The following AKAP8L variants were observed in gnomAD, a reference collection of about 807,000 sequenced individuals.
AKAP8L encodes the protein A-kinase anchor protein 8-like.
AKAP8L carries 34 observed loss-of-function variants against 77.5 expected under a neutral mutation model. The ratio of observed to expected loss-of-function variants is 0.44; its 90% CI spans 0.33 to 0.58. AKAP8L has a LOEUF of 0.58. Among genes scored for constraint, AKAP8L ranks in the 20% least tolerant of loss-of-function variants. The pLI is 0.02. For synonymous variants in AKAP8L, 342 were observed against 340.7 expected, an observed-to-expected ratio of 1.00 and a Z score of -0.04; for missense variants, 806 against 887.6, an observed-to-expected ratio of 0.91 and a Z score of 1.17.
At chr19:15,395,983 CAAAAAA>C (rs751904092) in intron 12 of AKAP8L, among the ~76,000 whole-genome samples, 7 of 40,504 alleles carry the variant, frequency 1.7e-4, no homozygotes, top group South Asian at 1.3e-3. Context: ...GACTCCGTCT[CAAAAAA>C]AAAAAAAAAA....
chr19:15,395,755 C>T (rs1178576597), intron 12 of AKAP8L, among the ~76,000 whole-genome samples: 2 of 146,904 alleles, frequency 1.4e-5, no homozygotes, highest in South Asian at 2.1e-4. Context: ...GAGGCCGAGG[C>T]GGGCGGATCA....
At chr19:15,418,172 C>T (rs3786853) in intron 1 of AKAP8L, among the ~76,000 whole-genome samples, 37,967 of 152,250 alleles carry the variant, frequency 0.25, 5,601 homozygotes, top group East Asian at 0.37. Context: ...ACGGTACTGA[C>T]CACCCTAAAA....
chr19:15,407,680 G>A (rs996733334), intron 2 of AKAP8L, among the ~76,000 whole-genome samples: 5 of 152,292 alleles, frequency 3.3e-5, no homozygotes, highest in Admixed American at 1.3e-4. Context: ...AAAACTTGGC[G>A]TAAATCTAAC....
chr19:15,400,854 G>A lies in AKAP8L; in HGVS notation c.924C>T (p.Thr308=), dbSNP rs771702576. 43 of 1,613,770 alleles carry A rather than the reference G, an allele frequency of 2.7e-5. No homozygotes were observed. Among genetic ancestry groups the A allele is most frequent in the Admixed American group, 1.7e-4 (10 of 59,982 alleles). The change falls in exon 7 of 14, where the codon ACC becomes ACT. Residue 308 remains threonine, a synonymous_variant. Coordinates refer to ENST00000397410, the MANE Select transcript of AKAP8L (RefSeq NM_014371.4). The part of the protein sequence containing the change: ...DNSDSDNDEG[T]EGEATEGLEG... ...CAAGGCCCTCTGTGGCTTCCCCCTC[G>A]GTGCCCTCATCTGAAAGGGAAAAGG...
chr19:15,388,969 C>A (rs975428273), intron 12 of AKAP8L, among the ~76,000 whole-genome samples: 1 of 150,120 alleles, frequency 6.7e-6, no homozygotes, highest in Non-Finnish European at 1.5e-5. Context: ...AATCCCAGCA[C>A]TTAGGGAGGC....
In AKAP8L at chr19:15,401,287, T is replaced by C; in HGVS notation, c.679A>G (p.Ile227Val). The C allele has an allele frequency of 6.2e-7, 1 of 1,613,644 alleles. No individual in the cohort carries two copies. The highest frequency in any genetic ancestry group is 8.5e-7 in the Non-Finnish European group (1 of 1,179,862). ...CCCTGGAACATGCCGTACTCGGGGATGATGTTCTGGGAGAAGAGGGAGGGC... is the reference window on the plus strand; with the variant it reads ...CCCTGGAACATGCCGTACTCGGGGACGATGTTCTGGGAGAAGAGGGAGGGC... ...RLPSLFSQNIIPEYGMFQGMR... is the reference protein window; with the variant it reads ...RLPSLFSQNIVPEYGMFQGMR... Residue 227 changes from isoleucine (I) to valine (V), a missense_variant, in exon 5 of 14, where the codon ATC (isoleucine) becomes GTC (valine). Ile to Val is a conservative substitution (Grantham distance 29). This residue lies in a region of AKAP8L where 580 missense variants were observed against 694.1 expected (regional missense o/e 0.84). Transcript: ENST00000397410. This position sits in a 1 kb window ranked among gnomAD's most constrained non-coding sequence, Gnocchi z 6.2.
intron 12 of AKAP8L, among the ~76,000 whole-genome samples, chr19:15,387,558 T>C (rs982715211): frequency 4.6e-5 from 7 of 152,128 alleles, no homozygotes; most frequent in Admixed American, 6.5e-5. Flanking sequence ...GACAGTGATA[T>C]TAGCTAACCC....
At position 15,397,366 on chromosome 19, in the gene AKAP8L, C is replaced by T. The variant is rs1967797790; in HGVS notation, c.1406-86G>A. 24 of 1,538,858 alleles carry T rather than the reference C, an allele frequency of 1.6e-5. 1 individual carries two copies. The South Asian group carries it at 2.6e-4, about 16-fold the overall frequency. On this transcript the variant is annotated intron_variant, in intron 11 of 13. Coordinates refer to ENST00000397410, the MANE Select transcript of AKAP8L (RefSeq NM_014371.4). The surrounding 1 kb of genome is among the most constrained non-coding windows in gnomAD (Gnocchi z 4.7). ...CGAGAAAAAAACCACACCAGCTCCT[C>T]CTCAACTCGCCCTGCCACTTCCACC... is the stretch of plus-strand genomic sequence containing the variant.
intron 2 of AKAP8L, among the ~76,000 whole-genome samples, chr19:15,406,362 G>GGGGAGAGAGAGAGAGAGAGAGAGAGA: frequency 1.1e-5 from 1 of 89,364 alleles, no homozygotes; most frequent in African/African-American, 5.1e-5. Context: ...GAAATTTTAA[G>GGGGAGAGAGAGAGAGAGAGAGAGAGA]GAGAGAGAGA....
chr19:15,392,025 G>C (rs1016331011), intron 12 of AKAP8L, among the ~76,000 whole-genome samples: 10 of 152,152 alleles, frequency 6.6e-5, no homozygotes, highest in African/African-American at 1.9e-4. Flanking sequence ...ATACAGACAG[G>C]GTCTCACTAT....
In AKAP8L at chr19:15,399,487, AC is replaced by A; in HGVS notation, c.1049-78del. On this transcript the variant is annotated intron_variant, in intron 8 of 13. Transcript: ENST00000397410. The surrounding 1 kb of genome is among the most constrained non-coding windows in gnomAD (Gnocchi z 6.1). ...AGGCCCTGCGGCCTCTGGCTGAATC[AC>A]CCACTGTCCACTCCAGAGGGTCCAT... 9.4e-7 allele frequency: 1 copy of A among 1,060,812 alleles called. No homozygotes were observed. The highest frequency in any genetic ancestry group is 1.5e-6 in the Non-Finnish European group (1 of 682,674). The allele number at this position is 1,060,812 out of a possible 1,614,324, so 65.7% of individuals were successfully genotyped here.
chr19:15,405,612 G>C (rs2145139117), intron 2 of AKAP8L, among the ~76,000 whole-genome samples: 1 of 152,196 alleles, frequency 6.6e-6, no homozygotes, highest in Admixed American at 6.5e-5. Flanking sequence ...ACCAGGGACA[G>C]TGGGCACTAG....
intron 2 of AKAP8L, among the ~76,000 whole-genome samples, chr19:15,405,467 T>C (rs547033896): frequency 1.3e-5 from 2 of 151,480 alleles, no homozygotes; most frequent in Non-Finnish European, 2.9e-5. Flanking sequence ...GCGGCAGAGT[T>C]TGCAGTGAGG....
At chr19:15,389,390 G>C (rs1967612105) in intron 12 of AKAP8L, among the ~76,000 whole-genome samples, 1 of 152,098 alleles carries the variant, frequency 6.6e-6, no homozygotes, top group African/African-American at 2.4e-5. Context: ...ATTAGAAGAG[G>C]AAAGAGAGAA....
In AKAP8L at chr19:15,401,496, T is replaced by G. The variant is rs773836971; in HGVS notation, c.470A>C (p.Tyr157Ser). Reference protein sequence around the residue: ...SELDPEMEMAYEGQYDAYRDQ... With the variant: ...SELDPEMEMASEGQYDAYRDQ... ...GCGGTAGGCATCGTATTGGCCCTCATAGGCCATTTCCATCTCAGGGTCAAG... is the reference window on the plus strand; with the variant it reads ...GCGGTAGGCATCGTATTGGCCCTCAGAGGCCATTTCCATCTCAGGGTCAAG... Residue 157 changes from tyrosine to serine, a missense_variant, in exon 5 of 14, where the codon TAT becomes TCT. Tyr to Ser is a moderately radical substitution (Grantham distance 144). Coordinates refer to ENST00000397410, the MANE Select transcript of AKAP8L (RefSeq NM_014371.4). The surrounding 1 kb of genome is among the most constrained non-coding windows in gnomAD (Gnocchi z 6.2). The G allele has an allele frequency of 1.2e-6, 2 of 1,613,878 alleles. No homozygotes were observed. Among genetic ancestry groups the G allele is most frequent in the Admixed American group, 3.3e-5 (2 of 60,022 alleles).
chr19:15,387,738 C>T (rs1442493145), intron 12 of AKAP8L, among the ~76,000 whole-genome samples: 1 of 152,134 alleles, frequency 6.6e-6, no homozygotes, highest in Non-Finnish European at 1.5e-5. Context: ...AGGTGGGTGG[C>T]TCATAAGATC....
chr19:15,411,805 T>G (rs1599620838), intron 1 of AKAP8L, among the ~76,000 whole-genome samples: 2 of 151,950 alleles, frequency 1.3e-5, no homozygotes, highest in East Asian at 3.9e-4. Flanking sequence ...GTACTCACAG[T>G]ACTTTGGGAG....
intron 12 of AKAP8L, among the ~76,000 whole-genome samples, chr19:15,384,086 C>G (rs1424232290): frequency 1.3e-5 from 2 of 151,742 alleles, no homozygotes; most frequent in Non-Finnish European, 2.9e-5. Flanking sequence ...CACCCACCAC[C>G]CCACCCGGCT....
intron 4 of AKAP8L, among the ~76,000 whole-genome samples, chr19:15,402,504 T>G (rs1599609944): frequency 6.6e-6 from 1 of 152,182 alleles, no homozygotes; most frequent in African/African-American, 2.4e-5. Flanking sequence ...GGTAAGAAGG[T>G]GCATAGCAGC....
Sources: allele counts gnomAD v4.1 joint callset (sites outside exome capture counted in the v4.1 genomes callset), GRCh38; gene constraint gnomAD v4.1.1; regional missense constraint gnomAD v4.1.1; non-coding constraint Gnocchi (gnomAD v3.1); transcripts MANE v1.5; gene names NCBI Gene and HGNC (gene_info 2026-07-23, HGNC 2026-07-21).